Variants in SCAF11 observed in about 807,000 individuals in gnomAD.
The protein encoded by SCAF11 is protein SCAF11.
Under a neutral mutation model 140.5 loss-of-function variants are expected in SCAF11, and 47 were observed. The ratio of observed to expected loss-of-function variants is 0.33; its 90% CI spans 0.26 to 0.43. The LOEUF (loss-of-function observed/expected upper bound fraction) is 0.43. Ranked by LOEUF, SCAF11 falls within the 20% of genes least tolerant of loss-of-function variation. The probability of loss-of-function intolerance (pLI) is 1.00; values close to 1 mark genes in which losing one functional copy is unlikely to be tolerated. For synonymous variants in SCAF11, 557 were observed against 579.4 expected (o/e 0.96, Z 0.55); for missense variants, 1,645 against 1,705.1 (o/e 0.96, Z 0.62).
At chr12:45,977,323 C>G (rs1174217966) in intron 1 of SCAF11, among the ~76,000 whole-genome samples, 3 of 152,062 alleles carry the variant, frequency 2.0e-5, no homozygotes, top group Non-Finnish European at 4.4e-5. Context: ...TAAAGGCATT[C>G]TATTTTGTGA....
chr12:45,954,379 G>A (rs1945626141), intron 3 of SCAF11, among the ~76,000 whole-genome samples: 1 of 151,986 alleles, frequency 6.6e-6, no homozygotes, highest in Admixed American at 6.6e-5. Flanking sequence ...TGGGACTACA[G>A]GTGCATGCCA....
chr12:45,972,929 G>GTT lies in SCAF11; in HGVS notation c.-21-8742_-21-8741insAA, dbSNP rs1286820115. Reference sequence around the variant, plus strand: ...ATATAGATATATATATAGATATATAGATATATATAGATATATATATAGATA... The same window carrying GTT: ...ATATAGATATATATATAGATATATAGTTATATATATAGATATATATATAGATA... On this transcript the variant is annotated intron_variant, in intron 1 of 14. Transcript: ENST00000369367. Among the ~76,000 whole-genome samples, 69 of 86,500 alleles carry GTT rather than the reference G, an allele frequency of 8.0e-4. 1 individual carries two copies. Among genetic ancestry groups the GTT allele is most frequent in the African/African-American group, 3.8e-3 (68 of 17,716 alleles). The allele number at this position is 86,500 out of a possible 152,430, so 56.7% of individuals were successfully genotyped here.
chr12:45,945,536 CTTTTTTTTTT>C (rs36058160), intron 5 of SCAF11, among the ~76,000 whole-genome samples: 1 of 122,064 alleles, frequency 8.2e-6, no homozygotes, highest in Non-Finnish European at 1.7e-5. Flanking sequence ...TTATCTCAGT[CTTTTTTTTTT>C]TTTTTTTTTT....
At chr12:45,942,553 A>G (rs985708134) in intron 6 of SCAF11, among the ~76,000 whole-genome samples, 1 of 151,986 alleles carries the variant, frequency 6.6e-6, no homozygotes, top group African/African-American at 2.4e-5. Flanking sequence ...TCCTCCATCT[A>G]CCTAATTCAG....
rs1946051317 is a variant in SCAF11, at chr12:45,970,638, T to C, written c.-21-6450A>G. On this transcript the variant is annotated intron_variant, in intron 1 of 14. Coordinates refer to ENST00000369367, the MANE Select transcript of SCAF11 (RefSeq NM_004719.3). ...CAGTGACCTGATTGCTTGTTAGCAGTTGATCAACAAAAGCAATTTCTAGGA... is the reference window on the plus strand; with the variant it reads ...CAGTGACCTGATTGCTTGTTAGCAGCTGATCAACAAAAGCAATTTCTAGGA... Among the ~76,000 whole-genome samples the C allele has an allele frequency of 2.6e-5, 4 of 152,248 alleles. No homozygotes were observed. In the South Asian group the frequency reaches 8.3e-4, roughly 31 times the overall value.
chr12:45,976,311 G>C (rs2136652582), intron 1 of SCAF11, among the ~76,000 whole-genome samples: 1 of 152,264 alleles, frequency 6.6e-6, no homozygotes, highest in African/African-American at 2.4e-5. Context: ...AGAAGGGTGA[G>C]TAAAGTACAG....
intron 1 of SCAF11, among the ~76,000 whole-genome samples, chr12:45,972,127 C>T (rs1335260469): frequency 6.6e-6 from 1 of 152,154 alleles, no homozygotes; most frequent in Non-Finnish European, 1.5e-5. Flanking sequence ...GATAAACCTC[C>T]ACACATGTCA....
chr12:45,929,683 T>C (rs912949332), intron 10 of SCAF11: 3 of 152,226 alleles, frequency 2.0e-5, no homozygotes, highest in Non-Finnish European at 2.9e-5. Flanking sequence ...TGGAATATTT[T>C]TTATTTTTAA....
intron 6 of SCAF11, among the ~76,000 whole-genome samples, chr12:45,935,395 G>T (rs1318741543): frequency 6.6e-6 from 1 of 152,182 alleles, no homozygotes; most frequent in African/African-American, 2.4e-5. Context: ...AAGACGAACA[G>T]GCTGAGTTCC....
intron 6 of SCAF11, among the ~76,000 whole-genome samples, chr12:45,937,373 G>A (rs1945194196): frequency 6.6e-6 from 1 of 152,098 alleles, no homozygotes; most frequent in Non-Finnish European, 1.5e-5. Flanking sequence ...TTCAGGCTTT[G>A]AGGATATTAA....
chr12:45,947,996 T>C (rs1384311554), intron 5 of SCAF11, among the ~76,000 whole-genome samples: 2 of 152,184 alleles, frequency 1.3e-5, no homozygotes, highest in Non-Finnish European at 2.9e-5. Flanking sequence ...AAATTTTACA[T>C]TGCTGAACAT....
chr12:45,922,052 C>T lies in SCAF11; in HGVS notation c.4388G>A (p.Gly1463Asp). 6.2e-7 allele frequency: 1 copy of T among 1,609,484 alleles called. No homozygotes were observed. Among genetic ancestry groups the T allele is most frequent in the Non-Finnish European group, 8.5e-7 (1 of 1,178,902 alleles). The change falls in exon 15 of 15, where the codon GGC (glycine) becomes GAC (aspartate). Residue 1463 changes from glycine (G) to aspartate (D), a missense_variant. This residue lies in a region of SCAF11 where 63 missense variants were observed against 95.9 expected (regional missense o/e 0.66). Coordinates refer to ENST00000369367, the MANE Select transcript of SCAF11 (RefSeq NM_004719.3). ...EEPVSTEKNIG is the reference protein window; with the variant it reads ...EEPVSTEKNID ...TCCTTGACAGCGTTCCCCATTTCAG[C>T]CTATGTTTTTTTCAGTAGACACAGG...
chr12:45,924,604 C>T, intron 12 of SCAF11, 124 bp downstream of exon 12: 2 of 755,306 alleles, frequency 2.6e-6, no homozygotes, highest in Non-Finnish European at 2.1e-6. Flanking sequence ...GAAGGTTTAC[C>T]ATAACTGAAA....
In SCAF11 at chr12:45,928,132, C is replaced by CAAA; in HGVS notation, c.1568_1569insTTT (p.Pro522_Leu523insPhe). The CAAA allele has an allele frequency of 6.2e-7, 1 of 1,613,942 alleles. No homozygotes were observed. Among genetic ancestry groups the CAAA allele is most frequent in the East Asian group, 2.2e-5 (1 of 44,866 alleles). ...GTCCAGATATCTGGTCTTGCTTTTC[C>CAAA]AATGGATCACCTCCTTTTTCAAGAA... On this transcript the variant is annotated inframe_insertion, in exon 11 of 15. Transcript: ENST00000369367.
At chr12:45,960,749 CT>C in intron 3 of SCAF11, 1 of 152,052 alleles carries the variant, frequency 6.6e-6, no homozygotes, top group Non-Finnish European at 1.5e-5. Flanking sequence ...TTACATTCTC[CT>C]TTCCACACTA....
chr12:45,976,916 A>C (rs1946247751), intron 1 of SCAF11, among the ~76,000 whole-genome samples: 1 of 152,114 alleles, frequency 6.6e-6, no homozygotes, highest in Non-Finnish European at 1.5e-5. Context: ...CTTTGAAAAG[A>C]TCAATAAAAT....
chr12:45,988,641 T>C (rs1409505461), intron 1 of SCAF11, among the ~76,000 whole-genome samples: 1 of 152,232 alleles, frequency 6.6e-6, no homozygotes, highest in Non-Finnish European at 1.5e-5. Context: ...TCTGGCAACA[T>C]ATTTAGAAAC....
chr12:45,962,499 G>T (rs1348702943), intron 2 of SCAF11, among the ~76,000 whole-genome samples: 1 of 152,064 alleles, frequency 6.6e-6, no homozygotes, highest in Non-Finnish European at 1.5e-5. Context: ...TTCTCCTTAG[G>T]ATTTGTACTA....
In SCAF11 at chr12:45,933,220, T is replaced by C; in HGVS notation, c.645A>G (p.Ile215Met). The part of the protein sequence containing the change: ...FTYRAYCTEF[I>M]EASEISALIR... ...TCAATGCACTGATTTCACTGGCTTC[T>C]ATAAATTCTGTACTAAAAGATAAAT... The change falls in exon 9 of 15, where the codon ATA becomes ATG. Residue 215 changes from isoleucine to methionine, a missense_variant. By Grantham distance (10) the Ile-to-Met change is conservative (BLOSUM62 1). This residue lies in a region of SCAF11 where 1,582 missense variants were observed against 1,609.2 expected (regional missense o/e 0.98). Transcript: ENST00000369367. 6.2e-7 allele frequency: 1 copy of C among 1,609,230 alleles called. No homozygotes were observed. The highest frequency in any genetic ancestry group is 1.3e-5 in the African/African-American group (1 of 74,940).
Sources: allele counts gnomAD v4.1 joint callset (sites outside exome capture counted in the v4.1 genomes callset), GRCh38; gene constraint gnomAD v4.1.1; regional missense constraint gnomAD v4.1.1; transcripts MANE v1.5; gene names NCBI Gene and HGNC (gene_info 2026-07-23, HGNC 2026-07-21).